Variants in AFAP1 observed in about 807,000 individuals in gnomAD.
AFAP1 encodes the protein actin filament-associated protein 1.
In AFAP1, 75 loss-of-function variants were observed where a neutral mutation model predicts 93.9. The ratio of observed to expected loss-of-function variants is 0.80; its 90% CI spans 0.66 to 0.97. The LOEUF is 0.97. AFAP1 is among the 50% of genes least tolerant of loss of function. The probability of loss-of-function intolerance (pLI) is 0.00; values close to 1 mark genes in which losing one functional copy is unlikely to be tolerated. For missense variants in AFAP1, 1,201 were observed against 1,050.8 expected (o/e 1.14, Z -1.98); for synonymous variants, 517 against 430.7 (o/e 1.20, Z -2.48).
At chr4:7,935,249 G>A (rs1337840043) in intron 1 of AFAP1, among the ~76,000 whole-genome samples, 1 of 152,004 alleles carries the variant, frequency 6.6e-6, no homozygotes, top group Non-Finnish European at 1.5e-5. Context: ...CCTGAGTTAG[G>A]CAGAACAGGT....
intron 6 of AFAP1, among the ~76,000 whole-genome samples, chr4:7,835,087 T>C (rs1351043810): frequency 1.5e-3 from 97 of 65,112 alleles, no homozygotes; most frequent in African/African-American, 2.8e-3. Context: ...CGGGCTGCCT[T>C]AAGGTTACCT....
chr4:7,872,844 T>A (rs915249244), intron 1 of AFAP1, among the ~76,000 whole-genome samples: 1 of 149,514 alleles, frequency 6.7e-6, no homozygotes, highest in Non-Finnish European at 1.5e-5. Context: ...ACTGCTAGCA[T>A]CTTAGCACGA....
chr4:7,853,130 G>A (rs562280732), intron 4 of AFAP1, among the ~76,000 whole-genome samples: 17 of 152,230 alleles, frequency 1.1e-4, no homozygotes, highest in Non-Finnish European at 2.4e-4. Flanking sequence ...AGCAAGGCTG[G>A]AATCACACTT....
At chr4:7,823,839 G>C (rs1053327351) in intron 6 of AFAP1, among the ~76,000 whole-genome samples, 17 of 152,186 alleles carry the variant, frequency 1.1e-4, no homozygotes, top group Non-Finnish European at 2.1e-4. Flanking sequence ...ACCCAGAGCA[G>C]GCCCAGGATC....
rs879628519 is a variant in AFAP1 at position 7,798,128 on chromosome 4, AC to A, written c.1266+2313del. ...GCAACTCTATTGGCTGGCTCACAGC[AC>A]TGCAACTCTATTGGCTGGCTCACGG... On this transcript the variant is annotated intron_variant, in intron 10 of 17. Transcript: ENST00000420658. Among the ~76,000 whole-genome samples, 921 of 116,412 alleles carry A rather than the reference AC, an allele frequency of 7.9e-3. 18 individuals carry two copies. The highest frequency in any genetic ancestry group is 0.019 in the Middle Eastern group (4 of 208). The allele number at this position is 116,412 out of a possible 152,430, so 76.4% of individuals were successfully genotyped here.
At chr4:7,804,477 T>G (rs1272112687) in intron 9 of AFAP1, among the ~76,000 whole-genome samples, 1 of 152,044 alleles carries the variant, frequency 6.6e-6, no homozygotes, top group Non-Finnish European at 1.5e-5. Context: ...GGCAAGAGGA[T>G]CATGCTAGAA....
intron 1 of AFAP1, among the ~76,000 whole-genome samples, chr4:7,903,218 G>T (rs4696746): frequency 0.46 from 69,592 of 152,054 alleles, 18,211 homozygotes; most frequent in Non-Finnish European, 0.61. Context: ...TAACTATCTA[G>T]GTGCCAGGCA....
chr4:7,887,999 G>C (rs547021491), intron 1 of AFAP1, among the ~76,000 whole-genome samples: 3 of 152,210 alleles, frequency 2.0e-5, no homozygotes, highest in African/African-American at 7.2e-5. Context: ...GCTAAGTTTT[G>C]TATTTTTGGT....
At chr4:7,797,000 C>T (rs1718489171) in intron 10 of AFAP1, among the ~76,000 whole-genome samples, 1 of 151,834 alleles carries the variant, frequency 6.6e-6, no homozygotes, top group Non-Finnish European at 1.5e-5. Context: ...GTGGAGGTTA[C>T]AGTAAGCCGA....
At chr4:7,935,788 G>A (rs1021921156) in intron 1 of AFAP1, among the ~76,000 whole-genome samples, 11 of 152,144 alleles carry the variant, frequency 7.2e-5, no homozygotes, top group Admixed American at 2.0e-4. Context: ...CCCGGCCAGG[G>A]CTAGAGAAAA....
At chr4:7,778,899 A>G (rs1716445214) in intron 13 of AFAP1, 23 bp from the exon 14 acceptor site, 1 of 1,495,732 alleles carries the variant, frequency 6.7e-7, no homozygotes, top group Admixed American at 2.0e-5. Context: ...ACATATAAGA[A>G]CATTAAAAAT....
At chr4:7,776,394 G>A (rs370277078) in intron 14 of AFAP1, 3 of 145,682 alleles carry the variant, frequency 2.1e-5, no homozygotes, top group Non-Finnish European at 4.4e-5. Flanking sequence ...GTATGTGTGT[G>A]TGCGTGCGTG....
chr4:7,822,704 C>T (rs1721079699), intron 6 of AFAP1, among the ~76,000 whole-genome samples: 1 of 151,298 alleles, frequency 6.6e-6, no homozygotes. Context: ...CCTGCCTCAG[C>T]CTCCTGAGTA....
chr4:7,763,464 C>T lies in AFAP1; in HGVS notation c.*301G>A, dbSNP rs1714097386. ...GGTTGGAATCGGTGAAAGCAATGGC[C>T]TATCTGGTTAGAAAGATGTCACTTC... On this transcript the variant is annotated 3_prime_UTR_variant, in exon 18 of 18. Transcript: ENST00000420658. 1 of 400,974 alleles carries T rather than the reference C, an allele frequency of 2.5e-6. No individual in the cohort carries two copies. Among genetic ancestry groups the T allele is most frequent in the Non-Finnish European group, 4.5e-6 (1 of 223,396 alleles). 24.8% of individuals were successfully genotyped at this position (400,974 alleles called of 1,614,324 possible).
intron 1 of AFAP1, among the ~76,000 whole-genome samples, chr4:7,906,654 C>G (rs1577349954): frequency 6.6e-6 from 1 of 152,370 alleles, no homozygotes; most frequent in South Asian, 2.1e-4. Context: ...CCTCCAAACT[C>G]ACAGCACAGC....
At chr4:7,840,550 G>C (rs1394864170) in intron 5 of AFAP1, among the ~76,000 whole-genome samples, 1 of 152,278 alleles carries the variant, frequency 6.6e-6, no homozygotes, top group Non-Finnish European at 1.5e-5. Flanking sequence ...CTGACTTCAT[G>C]ATCCGCCCGC....
intron 2 of AFAP1, among the ~76,000 whole-genome samples, chr4:7,869,860 AC>A (rs1716872861): frequency 6.6e-6 from 1 of 152,158 alleles, no homozygotes; most frequent in Non-Finnish European, 1.5e-5. Context: ...ACACACACAC[AC>A]ACAAAATCAA....
intron 9 of AFAP1, among the ~76,000 whole-genome samples, chr4:7,805,579 C>G (rs991447585): frequency 1.3e-5 from 2 of 152,170 alleles, no homozygotes; most frequent in Admixed American, 6.5e-5. Flanking sequence ...TGTATTTTAT[C>G]CTCAGTTTTT....
In AFAP1 at chr4:7,800,596, T is replaced by C; in HGVS notation, c.1112A>G (p.Asp371Gly). 9 of 1,614,200 alleles carry C rather than the reference T, an allele frequency of 5.6e-6. No individual in the cohort carries two copies. The highest frequency in any genetic ancestry group is 7.6e-6 in the Non-Finnish European group (9 of 1,180,032). ...GTCCTTGTGGAAAATGAGCTTGTTATCTTTCACTCGGCACCAGCGCTCTCG... is the reference window on the plus strand; with the variant it reads ...GTCCTTGTGGAAAATGAGCTTGTTACCTTTCACTCGGCACCAGCGCTCTCG... Reference protein sequence around the residue: ...RWRERWCRVKDNKLIFHKDRT... With the variant: ...RWRERWCRVKGNKLIFHKDRT... The change falls in exon 10 of 18, where the codon GAT becomes GGT. Residue 371 changes from aspartate (D) to glycine (G), a missense_variant. By Grantham distance (94) the Asp-to-Gly change is moderately conservative. Coordinates refer to ENST00000420658, the MANE Select transcript of AFAP1 (RefSeq NM_001134647.2).
Sources: gnomAD v4.1 joint callset for allele counts (sites outside exome capture counted in the v4.1 genomes callset) on GRCh38, gnomAD v4.1.1 for gene constraint, MANE v1.5 for transcripts, NCBI Gene and HGNC (gene_info 2026-07-23, HGNC 2026-07-21) for gene names.